PPID: variants seen among roughly 807,000 people sequenced by gnomAD.
PPID encodes the protein peptidyl-prolyl cis-trans isomerase D.
PPID carries 47 observed loss-of-function variants against 48.1 expected under a neutral mutation model. That is an observed-to-expected ratio of 0.98 (90% CI 0.77 to 1.25). PPID has a LOEUF of 1.25. Ranked by LOEUF, PPID falls within the 50% of genes most tolerant of loss-of-function variation. The pLI is 0.00. For synonymous variants in PPID, 163 were observed against 148.8 expected (o/e 1.10, Z -0.69); for missense variants, 429 against 443.5 (o/e 0.97, Z 0.29).
At position 158,721,729 on chromosome 4, in the gene PPID, T is replaced by C. The variant is rs1774962686; in HGVS notation, c.86-246A>G. 2.6e-5 allele frequency among the ~76,000 whole-genome samples: 4 copies of C among 152,204 alleles called. No individual in the cohort carries two copies. The South Asian group carries it at 8.3e-4, about 31-fold the overall frequency. On this transcript the variant is annotated intron_variant, in intron 1 of 9. Coordinates refer to ENST00000307720, the MANE Select transcript of PPID (RefSeq NM_005038.3). ...GAAATTAGGTCTCTCGTGATCAACA[T>C]CTACCCAACCCCTGAAATCCACCAT...
intron 7 of PPID, among the ~76,000 whole-genome samples, chr4:158,712,706 G>A (rs1190412480): frequency 2.6e-5 from 4 of 151,980 alleles, no homozygotes; most frequent in Non-Finnish European, 2.9e-5. Context: ...GCAGTAAGCC[G>A]AGATTGCGCC....
At chr4:158,723,102 G>T in intron 1 of PPID, 102 bp downstream of exon 1, 2 of 1,200,352 alleles carry the variant, frequency 1.7e-6, no homozygotes, top group South Asian at 1.3e-5. Context: ...CCGCGAAACT[G>T]AGCAGTCACC....
chr4:158,721,455 T>A lies in PPID; in HGVS notation c.114A>T (p.Ala38=), dbSNP rs145953224. ...TTTCCGCAGTTTTGGGTACGATATC[T>A]GCAAACAATTCTAAGACAATTCGAC... ...RVGRIVLELF[A]DIVPKTAENF... is the part of the protein sequence containing the mutation. The change falls in exon 2 of 10, where the codon GCA becomes GCT. Residue 38 remains alanine, a synonymous_variant. Coordinates refer to ENST00000307720, the MANE Select transcript of PPID (RefSeq NM_005038.3). 11 of 1,614,026 alleles carry A rather than the reference T, an allele frequency of 6.8e-6. No homozygotes were observed. In the African/African-American group the frequency reaches 1.5e-4, roughly 22 times the overall value.
chr4:158,710,054 A>G, intron 9 of PPID: 1 of 517,872 alleles, frequency 1.9e-6, no homozygotes. Context: ...CTGCCTCTAC[A>G]TTAGAGAACA....
chr4:158,713,016 A>AG, intron 7 of PPID, 103 bp downstream of exon 7: 1 of 1,202,374 alleles, frequency 8.3e-7, no homozygotes, highest in South Asian at 1.3e-5. Context: ...AAGCCTCATT[A>AG]GGTCCTATGC....
chr4:158,720,592 AGCAGTATGAAATG>A (rs1774941069), intron 2 of PPID, among the ~76,000 whole-genome samples: 1 of 152,260 alleles, frequency 6.6e-6, no homozygotes, highest in Non-Finnish European at 1.5e-5. Flanking sequence ...AAGTGTAATA[AGCAGTATGAAATG>A]GCATATTTTG....
At chr4:158,712,662 CAGG>C (rs1249772948) in intron 7 of PPID, among the ~76,000 whole-genome samples, 4 of 151,952 alleles carry the variant, frequency 2.6e-5, no homozygotes, top group Non-Finnish European at 5.9e-5. Context: ...GAGGATGAGG[CAGG>C]AGAATCACTT....
In PPID at chr4:158,723,321, C is replaced by A; in HGVS notation, c.-33G>T. On this transcript the variant is annotated 5_prime_UTR_variant, in exon 1 of 10. Coordinates refer to ENST00000307720, the MANE Select transcript of PPID (RefSeq NM_005038.3). ...TGCAGACGTGTTTAGTACGGAATAT[C>A]AGAGTACCTAGTGGCCGCCCGGGCC... 2 of 1,602,240 alleles carry A rather than the reference C, an allele frequency of 1.2e-6. No individual in the cohort carries two copies. The highest frequency in any genetic ancestry group is 1.1e-5 in the South Asian group (1 of 90,696).
intron 9 of PPID, chr4:158,710,180 A>G (rs767973463): frequency 6.1e-6 from 2 of 330,190 alleles, no homozygotes; most frequent in Non-Finnish European, 1.1e-5. Flanking sequence ...TATTTTTGTC[A>G]TAGTTTCCTA....
chr4:158,721,251 T>C, intron 2 of PPID, 92 bp downstream of exon 2: 1 of 1,455,182 alleles, frequency 6.9e-7, no homozygotes, highest in Non-Finnish European at 9.5e-7. Flanking sequence ...CTTTTTAAGC[T>C]TCACTTCCTA....
At chr4:158,716,212 T>C (rs1774870171) in intron 4 of PPID, among the ~76,000 whole-genome samples, 1 of 151,974 alleles carries the variant, frequency 6.6e-6, no homozygotes, top group African/African-American at 2.4e-5. Context: ...AAGCATGAGC[T>C]ACCATGCCCA....
At chr4:158,713,546 C>G (rs1257418618) in intron 6 of PPID, among the ~76,000 whole-genome samples, 1 of 152,144 alleles carries the variant, frequency 6.6e-6, no homozygotes, top group East Asian at 1.9e-4. Flanking sequence ...TACTTTCCAA[C>G]ATAATTATGT....
intron 2 of PPID, among the ~76,000 whole-genome samples, chr4:158,721,137 T>C (rs1209376849): frequency 6.6e-6 from 1 of 151,976 alleles, no homozygotes; most frequent in African/African-American, 2.4e-5. Flanking sequence ...GCTAGGGGAG[T>C]CCATTTCTCT....
At position 158,717,172 on chromosome 4, in the gene PPID, GC is replaced by G. The variant is rs772544501; in HGVS notation, c.361del (p.Ala121GlnfsTer32). The G allele has an allele frequency of 2.2e-5, 36 of 1,613,860 alleles. No homozygotes were observed. The Admixed American group carries it at 2.7e-4, about 12-fold the overall frequency. ...KHDREGLLSM[A>X]NAGRNTNGSQ... is the part of the protein sequence containing the mutation. ...ACCGTTTGTGTTGCGGCCTGCATTTGCCATGCTCAGTAAACCCTCCCGATCA... is the reference window on the plus strand; with the variant it reads ...ACCGTTTGTGTTGCGGCCTGCATTTGCATGCTCAGTAAACCCTCCCGATCA... On this transcript the variant is annotated frameshift_variant, in exon 4 of 10. Transcript: ENST00000307720. LOFTEE classifies it high-confidence loss of function.
At chr4:158,723,083 C>A in intron 1 of PPID, 121 bp downstream of exon 1, 1 of 998,452 alleles carries the variant, frequency 1.0e-6, no homozygotes, top group Non-Finnish European at 1.5e-6. Flanking sequence ...GCCTAGGCAG[C>A]CATCCCCTCC....
chr4:158,711,106 A>G (rs1297864762), intron 7 of PPID, among the ~76,000 whole-genome samples: 1 of 152,240 alleles, frequency 6.6e-6, no homozygotes, highest in Non-Finnish European at 1.5e-5. Context: ...ATGGGCCTGA[A>G]CTAACACTTT....
At chr4:158,714,694 A>T (rs1424246419) in intron 6 of PPID, among the ~76,000 whole-genome samples, 1 of 151,776 alleles carries the variant, frequency 6.6e-6, no homozygotes, top group Non-Finnish European at 1.5e-5. Context: ...GGGTTCAAGT[A>T]ATTCTTGTGC....
intron 6 of PPID, 119 bp downstream of exon 6, chr4:158,715,178 A>G (rs1774850292): frequency 3.6e-6 from 3 of 835,288 alleles, no homozygotes; most frequent in Non-Finnish European, 5.0e-6. Context: ...AAATGCAACT[A>G]TTTCAACACA....
At chr4:158,718,102 T>G (rs1774900819) in intron 3 of PPID, among the ~76,000 whole-genome samples, 1 of 152,250 alleles carries the variant, frequency 6.6e-6, no homozygotes, top group Non-Finnish European at 1.5e-5. Flanking sequence ...GCCCCTTTTC[T>G]CTATGTCAAT....
Sources: gnomAD v4.1 joint callset for allele counts (sites outside exome capture counted in the v4.1 genomes callset) on GRCh38, gnomAD v4.1.1 for gene constraint, MANE v1.5 for transcripts, NCBI Gene and HGNC (gene_info 2026-07-23, HGNC 2026-07-21) for gene names.